The following DOK6 variants were observed in gnomAD, a reference collection of about 807,000 sequenced individuals.
The protein encoded by DOK6 is downstream of tyrosine kinase 6.
DOK6 carries 22 observed loss-of-function variants against 44.0 expected under a neutral mutation model. The ratio of observed to expected loss-of-function variants is 0.50; its 90% CI spans 0.36 to 0.71. The LOEUF is 0.71. DOK6 is among the 30% of genes least tolerant of loss of function. The pLI, the probability that DOK6 is intolerant of heterozygous loss-of-function variation, is 0.00. For missense variants in DOK6, 340 were observed against 416.4 expected (o/e 0.82, Z 1.60); for synonymous variants, 166 against 145.5 (o/e 1.14, Z -1.01).
At chr18:69,430,461 G>C (rs1020333328) in intron 1 of DOK6, among the ~76,000 whole-genome samples, 1 of 151,926 alleles carries the variant, frequency 6.6e-6, no homozygotes, top group African/African-American at 2.4e-5. Context: ...TATTAAAATA[G>C]CAATCACAAA....
intron 1 of DOK6, among the ~76,000 whole-genome samples, chr18:69,489,622 T>A (rs1201740357): frequency 6.6e-6 from 1 of 152,176 alleles, no homozygotes; most frequent in Non-Finnish European, 1.5e-5. Context: ...GCATTACTAT[T>A]TTACTTCATT....
intron 1 of DOK6, among the ~76,000 whole-genome samples, chr18:69,417,242 C>T (rs1568250737): frequency 6.6e-6 from 1 of 152,118 alleles, no homozygotes. Context: ...TTCCTAGCCT[C>T]TGGTACCCAC....
intron 1 of DOK6, among the ~76,000 whole-genome samples, chr18:69,470,444 T>C (rs1309372772): frequency 6.6e-6 from 1 of 152,008 alleles, no homozygotes; most frequent in African/African-American, 2.4e-5. Context: ...CCTGCTGGAG[T>C]GGGTGGGAAC....
chr18:69,529,611 C>T (rs1336062205), intron 1 of DOK6, among the ~76,000 whole-genome samples: 1 of 152,216 alleles, frequency 6.6e-6, no homozygotes, highest in East Asian at 1.9e-4. Flanking sequence ...ATACTCCCTG[C>T]ACTGAATGCC....
At chr18:69,603,145 T>A (rs12968689) in intron 3 of DOK6, among the ~76,000 whole-genome samples, 51,856 of 152,130 alleles carry the variant, frequency 0.34, 10,795 homozygotes, top group Non-Finnish European at 0.47. Context: ...AGCACTCCCT[T>A]CAGGGTCATT....
At chr18:69,834,271 A>G (rs758142580) in intron 7 of DOK6, among the ~76,000 whole-genome samples, 1 of 152,226 alleles carries the variant, frequency 6.6e-6, no homozygotes, top group Non-Finnish European at 1.5e-5. Flanking sequence ...GAAATAAGCC[A>G]GGCACAAAAA....
At chr18:69,545,133 C>T (rs1982370622) in intron 1 of DOK6, among the ~76,000 whole-genome samples, 1 of 146,982 alleles carries the variant, frequency 6.8e-6, no homozygotes, top group African/African-American at 2.5e-5. Flanking sequence ...AAAAAAATTA[C>T]AACCCATGAT....
intron 2 of DOK6, among the ~76,000 whole-genome samples, chr18:69,598,257 A>G (rs1263006640): frequency 6.6e-6 from 1 of 151,524 alleles, no homozygotes; most frequent in African/African-American, 2.4e-5. Flanking sequence ...ATTAGATTAT[A>G]TAACTATAAT....
At chr18:69,751,337 T>TATC (rs34727772) in intron 6 of DOK6, among the ~76,000 whole-genome samples, 116,467 of 151,870 alleles carry the variant, frequency 0.77, 46,723 homozygotes, top group East Asian at 0.98. Flanking sequence ...TAAATTATAA[T>TATC]ATGTGCCCCA....
rs899105562 is a variant in DOK6, at chr18:69,548,154, G to C, written c.67-16333G>C. ...ATTTTTAGTAGAGACGGGGTTTCAC[G>C]GTGTTAGCCAGGATGGTCTCGATCT... On this transcript the variant is annotated intron_variant, in intron 1 of 7. Transcript: ENST00000382713. 7.3e-5 allele frequency among the ~76,000 whole-genome samples: 11 copies of C among 150,174 alleles called. 1 individual carries two copies. Among genetic ancestry groups the C allele is most frequent in the South Asian group, 2.1e-4 (1 of 4,700 alleles).
chr18:69,559,528 G>A (rs1364944891), intron 1 of DOK6, among the ~76,000 whole-genome samples: 1 of 152,042 alleles, frequency 6.6e-6, no homozygotes, highest in Non-Finnish European at 1.5e-5. Context: ...TTTTCTGTTA[G>A]CAGTCTCTCA....
intron 7 of DOK6, among the ~76,000 whole-genome samples, chr18:69,840,244 CA>C (rs1331091654): frequency 6.6e-6 from 1 of 152,250 alleles, no homozygotes; most frequent in Non-Finnish European, 1.5e-5. Context: ...TCAGATGACA[CA>C]CAAATCAGAC....
intron 3 of DOK6, among the ~76,000 whole-genome samples, chr18:69,605,413 G>A (rs768032643): frequency 1.3e-5 from 2 of 152,154 alleles, no homozygotes; most frequent in South Asian, 4.1e-4. Flanking sequence ...TTTCACCTAA[G>A]TCCTGATGCT....
At chr18:69,724,001 T>G (rs892489635) in intron 5 of DOK6, among the ~76,000 whole-genome samples, 5 of 152,218 alleles carry the variant, frequency 3.3e-5, no homozygotes, top group Non-Finnish European at 7.3e-5. Context: ...AAACCTTTAC[T>G]TCTTTCTTGG....
intron 4 of DOK6, among the ~76,000 whole-genome samples, chr18:69,689,016 C>T (rs1026966714): frequency 6.6e-6 from 1 of 152,084 alleles, no homozygotes; most frequent in African/African-American, 2.4e-5. Context: ...TGTTGAACTT[C>T]ATCAAAACTC....
chr18:69,415,917 C>A (rs960039388), intron 1 of DOK6, among the ~76,000 whole-genome samples: 1 of 152,010 alleles, frequency 6.6e-6, no homozygotes, highest in African/African-American at 2.4e-5. Context: ...TTCATATAAA[C>A]ATTTCCAGTG....
At chr18:69,601,361 GT>G (rs2144623359) in intron 3 of DOK6, among the ~76,000 whole-genome samples, 1 of 152,248 alleles carries the variant, frequency 6.6e-6, no homozygotes, top group East Asian at 1.9e-4. Flanking sequence ...ATCATCTCAA[GT>G]TCTTAGTTTA....
intron 7 of DOK6, among the ~76,000 whole-genome samples, chr18:69,766,690 G>C (rs117065104): frequency 0.01 from 1,536 of 152,152 alleles, 22 homozygotes; most frequent in Non-Finnish European, 0.015. Context: ...AAGAGGAGAG[G>C]CTGGTCTTGC....
In DOK6 at chr18:69,658,710, TG is replaced by T. The variant is rs200828596; in HGVS notation, c.290-19023del. Among the ~76,000 whole-genome samples the T allele has an allele frequency of 4.2e-3, 634 of 152,328 alleles. 9 individuals carry two copies. Among genetic ancestry groups the T allele is most frequent in the African/African-American group, 0.014 (577 of 41,586 alleles). On this transcript the variant is annotated intron_variant, in intron 3 of 7. Coordinates refer to ENST00000382713, the MANE Select transcript of DOK6 (RefSeq NM_152721.6). ...TCATAAACGGAAATGAGTCTTTTTC[TG>T]CTGTCTTTTTCTCAGTATAAGCTAA...
Sources: allele counts gnomAD v4.1 joint callset (sites outside exome capture counted in the v4.1 genomes callset), GRCh38; gene constraint gnomAD v4.1.1; transcripts MANE v1.5; gene names NCBI Gene and HGNC (gene_info 2026-07-23, HGNC 2026-07-21).